ST8SIA4: variants seen among roughly 807,000 people sequenced by gnomAD.
ST8SIA4 encodes CMP-N-acetylneuraminate-poly-alpha-2,8-sialyltransferase.
ST8SIA4 carries 15 observed loss-of-function variants against 33.9 expected under a neutral mutation model. The observed-to-expected ratio is 0.44, with a 90% CI of 0.30 to 0.68. The LOEUF is 0.68. Ranked by LOEUF, ST8SIA4 falls within the 30% of genes least tolerant of loss-of-function variation. The pLI, the probability that ST8SIA4 is intolerant of heterozygous loss-of-function variation, is 0.10. For synonymous variants in ST8SIA4, 171 were observed against 151.2 expected (o/e 1.13, Z -0.96); for missense variants, 321 against 428.0 (o/e 0.75, Z 2.21).
chr5:100,898,044 T>A (rs1752818181), intron 1 of ST8SIA4, among the ~76,000 whole-genome samples: 1 of 152,236 alleles, frequency 6.6e-6, no homozygotes, highest in East Asian at 1.9e-4. Flanking sequence ...ATATTTCTAA[T>A]CATCACCTTA....
Position 100,811,034 on chromosome 5 carries a change from A to C in ST8SIA4, c.*813T>G, listed in dbSNP as rs1302396891. 7 of 152,272 alleles carry C rather than the reference A, an allele frequency of 4.6e-5. No homozygotes were observed. In the East Asian group the frequency reaches 1.3e-3, roughly 29 times the overall value. The allele number at this position is 152,272 out of a possible 1,614,324, so 9.4% of individuals were successfully genotyped here. ...CCACTAAAAATACAAAAAATTAGCCAGGCGTGGTGGCAGGCGCCTGCAGTC... is the reference window on the plus strand; with the variant it reads ...CCACTAAAAATACAAAAAATTAGCCCGGCGTGGTGGCAGGCGCCTGCAGTC... On this transcript the variant is annotated 3_prime_UTR_variant, in exon 5 of 5. Coordinates refer to ENST00000231461, the MANE Select transcript of ST8SIA4 (RefSeq NM_005668.6).
Position 100,886,558 on chromosome 5 carries a change from T to G in ST8SIA4, c.288A>C (p.Ser96=). The G allele has an allele frequency of 6.2e-7, 1 of 1,613,878 alleles. No individual in the cohort carries two copies. The highest frequency in any genetic ancestry group is 1.1e-5 in the South Asian group (1 of 91,076). ...LRFLDAERDV[S]VVKSSFKPGD... ...CAGGCTTAAAACTGCTCTTGACCAC[T>G]GACACATCTCGTTCTGCATCTAAGA... The change falls in exon 3 of 5, where the codon TCA becomes TCC. Residue 96 remains serine (S), a synonymous_variant. Transcript: ENST00000231461.
intron 3 of ST8SIA4, among the ~76,000 whole-genome samples, chr5:100,875,185 T>A (rs992902520): frequency 1.3e-5 from 2 of 152,126 alleles, no homozygotes; most frequent in Non-Finnish European, 2.9e-5. Context: ...CCACCAGGGT[T>A]TTAGTCAGTT....
intron 4 of ST8SIA4, chr5:100,849,522 C>T: frequency 3.3e-6 from 3 of 921,846 alleles, no homozygotes; most frequent in Non-Finnish European, 3.9e-6. Flanking sequence ...TGGCTCACGC[C>T]TGTAATCCCC....
intron 4 of ST8SIA4, among the ~76,000 whole-genome samples, chr5:100,840,811 T>G (rs758083077): frequency 4.4e-4 from 67 of 151,734 alleles, no homozygotes; most frequent in Admixed American, 1.1e-3. Flanking sequence ...CCCCAAAGTT[T>G]TCTTATTACA....
chr5:100,880,949 T>C (rs866004244), intron 3 of ST8SIA4, among the ~76,000 whole-genome samples: 1 of 152,242 alleles, frequency 6.6e-6, no homozygotes, highest in South Asian at 2.1e-4. Context: ...GAGTTAGATA[T>C]ACATAAAACA....
intron 2 of ST8SIA4, among the ~76,000 whole-genome samples, chr5:100,888,351 G>C (rs1170864923): frequency 6.6e-6 from 1 of 151,890 alleles, no homozygotes; most frequent in Non-Finnish European, 1.5e-5. Flanking sequence ...AAAGCAGGGG[G>C]TTGTGTTTGA....
At chr5:100,849,482 A>G in intron 4 of ST8SIA4, 1 of 984,888 alleles carries the variant, frequency 1.0e-6, no homozygotes, top group Non-Finnish European at 1.2e-6. Context: ...TGTGAGCTTG[A>G]ATTTAAGAAA....
intron 4 of ST8SIA4, among the ~76,000 whole-genome samples, chr5:100,839,663 C>A (rs1751434013): frequency 6.6e-6 from 1 of 151,924 alleles, no homozygotes; most frequent in African/African-American, 2.4e-5. Flanking sequence ...AAAGCACTCA[C>A]TTTCTGAATA....
At chr5:100,833,380 T>A (rs1300604695) in intron 4 of ST8SIA4, among the ~76,000 whole-genome samples, 2 of 152,120 alleles carry the variant, frequency 1.3e-5, no homozygotes, top group Non-Finnish European at 2.9e-5. Flanking sequence ...CTCAATTGAT[T>A]GGGCTGCAAA....
At chr5:100,870,855 TTTAA>T (rs1422308383) in intron 3 of ST8SIA4, among the ~76,000 whole-genome samples, 3 of 152,116 alleles carry the variant, frequency 2.0e-5, no homozygotes, top group Admixed American at 6.6e-5. Flanking sequence ...AAAATCACAA[TTTAA>T]TTAGTTTTAT....
Position 100,861,381 on chromosome 5 carries a change from A to G in ST8SIA4, c.504-4985T>C, listed in dbSNP as rs543298002. On this transcript the variant is annotated intron_variant, in intron 3 of 4. Coordinates refer to ENST00000231461, the MANE Select transcript of ST8SIA4 (RefSeq NM_005668.6). Reference sequence around the variant, plus strand: ...GAACAGTGTCATAATTTCTAGAGAAATTCACAGAATGAAAATATAATCAAA... The same window carrying G: ...GAACAGTGTCATAATTTCTAGAGAAGTTCACAGAATGAAAATATAATCAAA... Among the ~76,000 whole-genome samples, 18 of 152,302 alleles carry G rather than the reference A, an allele frequency of 1.2e-4. No homozygotes were observed. In the South Asian group the frequency reaches 3.3e-3, roughly 28 times the overall value.
intron 4 of ST8SIA4, among the ~76,000 whole-genome samples, chr5:100,855,081 A>G (rs1751785730): frequency 6.6e-6 from 1 of 152,128 alleles, no homozygotes; most frequent in Non-Finnish European, 1.5e-5. Flanking sequence ...TTGTATTCCC[A>G]TGTTCCACAA....
chr5:100,825,792 A>AT (rs1252073984), intron 4 of ST8SIA4, among the ~76,000 whole-genome samples: 1 of 152,170 alleles, frequency 6.6e-6, no homozygotes, highest in Non-Finnish European at 1.5e-5. Context: ...TTAGGTAGAT[A>AT]TTTTTGTCAT....
intron 4 of ST8SIA4, among the ~76,000 whole-genome samples, chr5:100,849,628 G>A (rs1159601747): frequency 2.7e-5 from 4 of 148,088 alleles, no homozygotes; most frequent in Non-Finnish European, 1.5e-5. Context: ...CAAAAATAGA[G>A]AAAAAAAAAA....
Position 100,807,671 on chromosome 5 carries a change from G to A in ST8SIA4, c.*4176C>T, listed in dbSNP as rs1024301477. 2.0e-5 allele frequency: 3 copies of A among 152,446 alleles called. No individual in the cohort carries two copies. The East Asian group carries it at 5.8e-4, about 29-fold the overall frequency. The allele number at this position is 152,446 out of a possible 1,614,324, so 9.4% of individuals were successfully genotyped here. A position where few individuals can be genotyped will look rare whatever the true frequency, so the allele number is the denominator to read the frequency against. On this transcript the variant is annotated 3_prime_UTR_variant, in exon 5 of 5. Transcript: ENST00000231461. The stretch of plus-strand genomic sequence containing the variant: ...AGTAGATACCTCTTAAAGCACGTTA[G>A]TAACTGAAGTCTCAAAAGAACTTCT...
chr5:100,873,671 T>C (rs959434851), intron 3 of ST8SIA4, among the ~76,000 whole-genome samples: 15 of 152,110 alleles, frequency 9.9e-5, no homozygotes, highest in Non-Finnish European at 7.4e-5. Context: ...TAAGTGCTGC[T>C]TGAGAGTTTC....
intron 4 of ST8SIA4, among the ~76,000 whole-genome samples, chr5:100,825,315 C>T (rs1751118579): frequency 6.6e-6 from 1 of 151,904 alleles, no homozygotes; most frequent in Admixed American, 6.6e-5. Context: ...GTTAAAGAAA[C>T]TTTGAGGATG....
At chr5:100,835,958 G>T (rs1751354835) in intron 4 of ST8SIA4, among the ~76,000 whole-genome samples, 1 of 151,972 alleles carries the variant, frequency 6.6e-6, no homozygotes, top group African/African-American at 2.4e-5. Flanking sequence ...TCTCCTATTT[G>T]TTTTTCTAAC....
Sources: gnomAD v4.1 joint callset for allele counts (sites outside exome capture counted in the v4.1 genomes callset) on GRCh38, gnomAD v4.1.1 for gene constraint, MANE v1.5 for transcripts, NCBI Gene and HGNC (gene_info 2026-07-23, HGNC 2026-07-21) for gene names.